The following CFAP119 variants were observed in gnomAD, a reference collection of about 807,000 sequenced individuals.
CFAP119 encodes cilia and flagella associated protein 119, also known as cilia- and flagella-associated protein 119.
chr16:30,758,870 C>A, the CFAP119 span: 1 of 1,391,982 alleles, frequency 7.2e-7, no homozygotes. Flanking sequence ...TTTTATCTGT[C>A]ATCTTGGACT....
chr16:30,760,559 C>G, the CFAP119 span: 1 of 1,582,852 alleles, frequency 6.3e-7, no homozygotes, highest in African/African-American at 1.3e-5. Context: ...CAACCTGACC[C>G]CTCAGCCTTT....
At chr16:30,761,511 TA>T in the CFAP119 span, 1 of 1,535,040 alleles carries the variant, frequency 6.5e-7, no homozygotes. Context: ...GGTTTATAAA[TA>T]TTCACGAGCA....
At chr16:30,758,738 A>G in the CFAP119 span, 1 of 462,970 alleles carries the variant, frequency 2.2e-6, no homozygotes, top group African/African-American at 2.0e-5. Flanking sequence ...GTATTTTAGT[A>G]GATAGGGGGT....
the CFAP119 span, chr16:30,758,983 A>G: frequency 6.2e-7 from 1 of 1,613,542 alleles, no homozygotes; most frequent in East Asian, 2.2e-5. Context: ...TCAGAGGGAC[A>G]GGGCAGCCTG....
chr16:30,760,566 C>A, the CFAP119 span: 1 of 1,577,408 alleles, frequency 6.3e-7, no homozygotes, highest in Non-Finnish European at 8.6e-7. Context: ...ACCCCTCAGC[C>A]TTTGCCAAGA....
the CFAP119 span, chr16:30,760,605 C>T: frequency 2.6e-6 from 4 of 1,558,466 alleles, no homozygotes; most frequent in African/African-American, 5.5e-5. Context: ...TCAGTCCCTA[C>T]TCCCTCATCT....
the CFAP119 span, chr16:30,761,729 C>A: frequency 2.0e-6 from 3 of 1,528,110 alleles, no homozygotes; most frequent in Non-Finnish European, 2.6e-6. Context: ...CAAAAAGTGG[C>A]TGGTCTTGCG....
the CFAP119 span, chr16:30,759,011 C>T: frequency 1.2e-6 from 2 of 1,614,204 alleles, no homozygotes; most frequent in Non-Finnish European, 1.7e-6. Context: ...CAGATCCTCA[C>T]TTGGCTCTGG....
chr16:30,761,415 C>A, the CFAP119 span: 1 of 1,414,426 alleles, frequency 7.1e-7, no homozygotes, highest in Non-Finnish European at 9.8e-7. Context: ...CGGGGTCACA[C>A]ACCCCTGCCT....
chr16:30,761,055 C>T, the CFAP119 span: 1 of 954,704 alleles, frequency 1.0e-6, no homozygotes, highest in East Asian at 2.6e-5. Context: ...GCTGGAAAGC[C>T]AACTTCCAGT....
chr16:30,759,702 C>T, the CFAP119 span: 6 of 1,612,678 alleles, frequency 3.7e-6, no homozygotes, highest in Non-Finnish European at 5.1e-6. Flanking sequence ...GGTAGCACTC[C>T]TCCACGTTGC....
At chr16:30,761,466 T>G in the CFAP119 span, 1 of 1,518,788 alleles carries the variant, frequency 6.6e-7, no homozygotes, top group African/African-American at 1.4e-5. Flanking sequence ...CGAACGTTAG[T>G]AAGCATAATG....
chr16:30,761,595 T>C, the CFAP119 span: 8 of 1,536,154 alleles, frequency 5.2e-6, no homozygotes, highest in Non-Finnish European at 6.1e-6. Flanking sequence ...GCCGCCGCCG[T>C]CGTCCACTGA....
chr16:30,761,614 A>G, the CFAP119 span: 1 of 1,535,974 alleles, frequency 6.5e-7, no homozygotes, highest in South Asian at 1.2e-5. Context: ...GAGTCCGCAC[A>G]CTCGCACGCG....
At chr16:30,757,601 C>G in the CFAP119 span, 4 of 1,614,178 alleles carry the variant, frequency 2.5e-6, no homozygotes, top group South Asian at 4.4e-5. Context: ...TGGAGCTGCT[C>G]CAGCTCTTTG....
At chr16:30,757,588 C>T in the CFAP119 span, 1 of 1,614,174 alleles carries the variant, frequency 6.2e-7, no homozygotes, top group Non-Finnish European at 8.5e-7. Flanking sequence ...CTCCACCAGC[C>T]CCTGGAGCTG....
chr16:30,761,132 C>G, the CFAP119 span: 1 of 1,565,606 alleles, frequency 6.4e-7, no homozygotes, highest in Non-Finnish European at 8.8e-7. Flanking sequence ...TGGCCACAGA[C>G]AGGACTGTTG....
At chr16:30,757,909 T>C in the CFAP119 span, 1 of 947,110 alleles carries the variant, frequency 1.1e-6, no homozygotes, top group Non-Finnish European at 1.4e-6. Context: ...TTATTTAACC[T>C]ATCTGTGCCT....
chr16:30,761,649 A>C, the CFAP119 span: 1 of 1,535,918 alleles, frequency 6.5e-7, no homozygotes, highest in Non-Finnish European at 8.7e-7. Flanking sequence ...CCATGCACTG[A>C]GCTGCGATCC....
Sources: allele counts gnomAD v4.1 joint callset, GRCh38; gene constraint gnomAD v4.1.1; transcripts MANE v1.5; gene names NCBI Gene and HGNC (gene_info 2026-07-23, HGNC 2026-07-21).